RCC1L: variants seen among roughly 807,000 people sequenced by gnomAD.
RCC1L encodes the protein RCC1-like G exchanging factor-like protein.
RCC1L carries 46 observed loss-of-function variants against 58.6 expected under a neutral mutation model. The ratio of observed to expected loss-of-function variants is 0.79; its 90% CI spans 0.62 to 1.00. RCC1L has a LOEUF of 1.00. RCC1L is among the 50% of genes least tolerant of loss of function. The probability of loss-of-function intolerance (pLI) is 0.00; values close to 1 mark genes in which losing one functional copy is unlikely to be tolerated. For synonymous variants in RCC1L, 281 were observed against 262.9 expected (o/e 1.07, Z -0.67); for missense variants, 636 against 623.6 (o/e 1.02, Z -0.21).
chr7:75,064,295 A>G (rs1806379140), intron 4 of RCC1L, among the ~76,000 whole-genome samples: 1 of 150,198 alleles, frequency 6.7e-6, no homozygotes, highest in Non-Finnish European at 1.5e-5. Context: ...GCGCCTCTGC[A>G]CTCTGGCCTG....
Position 75,058,732 on chromosome 7 carries a change from C to G in RCC1L, c.825G>C (p.Lys275Asn). 1 of 1,613,982 alleles carries G rather than the reference C, an allele frequency of 6.2e-7. No individual in the cohort carries two copies. Among genetic ancestry groups the G allele is most frequent in the Non-Finnish European group, 8.5e-7 (1 of 1,179,856 alleles). ...GHYNITSSPT[K>N]LGGDLAGVNV... ...TCACTCCCGCCAGGTCTCCACCCAG[C>G]TTGGTGGGCGAGCTGGTGATATTGT... is the stretch of plus-strand genomic sequence containing the variant. The change falls in exon 7 of 11, where the codon AAG (lysine) becomes AAC (asparagine). Residue 275 changes from lysine to asparagine, a missense_variant. Transcript: ENST00000610322.
Position 75,042,880 on chromosome 7 carries a change from C to T in RCC1L, c.*152G>A. The T allele has an allele frequency of 1.4e-6, 2 of 1,478,186 alleles. No individual in the cohort carries two copies. Among genetic ancestry groups the T allele is most frequent in the Non-Finnish European group, 1.8e-6 (2 of 1,107,878 alleles). The allele number at this position is 1,478,186 out of a possible 1,614,324, so 91.6% of individuals were successfully genotyped here. A position where few individuals can be genotyped will look rare whatever the true frequency, so the allele number is the denominator to read the frequency against. The stretch of plus-strand genomic sequence containing the variant: ...CTTGCCCTGATCCTCCTGGTAGGTA[C>T]CCGCTAAGGGATTCAGGACAGAGCG... On this transcript the variant is annotated 3_prime_UTR_variant, in exon 11 of 11. Transcript: ENST00000610322.
rs1806336497 is a variant in RCC1L, at chr7:75,063,299, A to C, written c.695T>G (p.Val232Gly). ...VHRMQDFDGQ[V>G]VQVACGQDHS... ...TCGGCCCATCTCTCTTACCTGGACC[A>C]CCTGGCCATCGAAGTCCTGCATCCT... Residue 232 changes from valine to glycine, a missense_variant, in exon 5 of 11, where the codon GTG (valine) becomes GGG (glycine). Val to Gly is a moderately radical substitution (Grantham distance 109). Coordinates refer to ENST00000610322, the MANE Select transcript of RCC1L (RefSeq NM_030798.5). The C allele has an allele frequency of 6.2e-7, 1 of 1,613,808 alleles. No homozygotes were observed. The highest frequency in any genetic ancestry group is 8.5e-7 in the Non-Finnish European group (1 of 1,179,858).
At chr7:75,038,225 T>C (rs1805471012), downstream of RCC1L, among the ~76,000 whole-genome samples, 1 of 152,136 alleles carries the variant, frequency 6.6e-6, no homozygotes, top group East Asian at 1.9e-4. Context: ...CCTGGTGCCA[T>C]GGATTGCATA....
chr7:75,061,102 G>T (rs916653667), intron 6 of RCC1L, 105 bp downstream of exon 6: 7 of 940,790 alleles, frequency 7.4e-6, no homozygotes, highest in Non-Finnish European at 1.2e-5. Flanking sequence ...GGTAAGAGCT[G>T]AATTAAGGAA....
At chr7:75,029,424 A>G (rs1445419315) in intron 10 of RCC1L, among the ~76,000 whole-genome samples, 1 of 147,932 alleles carries the variant, frequency 6.8e-6, no homozygotes, top group Non-Finnish European at 1.5e-5. Context: ...GTTCGCTGCA[A>G]CCTCTGCTTC....
At chr7:75,031,375 C>G (rs910403540) in intron 10 of RCC1L, among the ~76,000 whole-genome samples, 2 of 152,208 alleles carry the variant, frequency 1.3e-5, no homozygotes, top group Admixed American at 1.3e-4. Flanking sequence ...CCCTACCCCC[C>G]CGGGGCCCTC....
At chr7:75,052,978 T>A (rs887079232) in intron 9 of RCC1L, among the ~76,000 whole-genome samples, 182 bp from the exon 10 acceptor site, 2 of 150,804 alleles carry the variant, frequency 1.3e-5, no homozygotes, top group Admixed American at 1.3e-4. Flanking sequence ...GCTGTCCCCA[T>A]ATCGAAAACA....
chr7:75,048,947 G>C (rs1563073459), intron 10 of RCC1L, among the ~76,000 whole-genome samples: 1 of 152,268 alleles, frequency 6.6e-6, no homozygotes, highest in East Asian at 1.9e-4. Context: ...ACCTCTCTGA[G>C]GGATGAGTCT....
intron 8 of RCC1L, chr7:75,056,369 T>C: frequency 1.2e-6 from 1 of 855,396 alleles, no homozygotes; most frequent in Non-Finnish European, 1.7e-6. Context: ...GACGAGCGTA[T>C]AAATCATCCA....
chr7:75,056,050 C>T lies in RCC1L; in HGVS notation c.1082G>A (p.Gly361Asp). ...TGGACCTTTCCCAAGAATTCCATAG[C>T]CCCAGACAAAAACATGTCCTTCTCC... is the stretch of plus-strand genomic sequence containing the variant. ...LNGEGHVFVW[G>D]YGILGKGPNL... Residue 361 changes from glycine (G) to aspartate (D), a missense_variant, in exon 9 of 11, where the codon GGC becomes GAC. Coordinates refer to ENST00000610322, the MANE Select transcript of RCC1L (RefSeq NM_030798.5). 1 of 1,613,922 alleles carries T rather than the reference C, an allele frequency of 6.2e-7. No homozygotes were observed.
chr7:75,041,029 C>A (rs1278044498), downstream of RCC1L, among the ~76,000 whole-genome samples: 2 of 152,072 alleles, frequency 1.3e-5, no homozygotes, highest in Non-Finnish European at 2.9e-5. Flanking sequence ...AACAGCCTGG[C>A]CAACACGGCA....
At chr7:75,048,274 A>AAAC (rs1805804478) in intron 10 of RCC1L, among the ~76,000 whole-genome samples, 1 of 151,060 alleles carries the variant, frequency 6.6e-6, no homozygotes, top group African/African-American at 2.4e-5. Context: ...CTCAAAAAAA[A>AAAC]AAAAAAAAAA....
intron 5 of RCC1L, among the ~76,000 whole-genome samples, chr7:75,062,813 T>C (rs1806318178): frequency 6.6e-6 from 1 of 152,126 alleles, no homozygotes; most frequent in South Asian, 2.1e-4. Flanking sequence ...CTGTTTTTTT[T>C]TGAGACAGAG....
intron 10 of RCC1L, among the ~76,000 whole-genome samples, chr7:75,045,801 G>A (rs1403413251): frequency 3.3e-5 from 5 of 152,088 alleles, no homozygotes; most frequent in Non-Finnish European, 5.9e-5. Flanking sequence ...GGCGTGAGCC[G>A]CTGCACCTGG....
At chr7:75,057,774 G>A (rs1806128362) in intron 7 of RCC1L, 158 bp from the exon 8 acceptor site, 1 of 744,534 alleles carries the variant, frequency 1.3e-6, no homozygotes, top group Non-Finnish European at 2.4e-6. Context: ...TAGGTGCTGG[G>A]GTAGAATGGG....
intron 10 of RCC1L, among the ~76,000 whole-genome samples, chr7:75,031,803 G>C (rs1447459152): frequency 6.6e-6 from 1 of 152,210 alleles, no homozygotes; most frequent in Non-Finnish European, 1.5e-5. Flanking sequence ...GTTTGGCTGA[G>C]TGATTCTGGC....
chr7:75,055,143 G>A (rs999640741), intron 9 of RCC1L, among the ~76,000 whole-genome samples: 1 of 152,226 alleles, frequency 6.6e-6, no homozygotes, highest in African/African-American at 2.4e-5. Context: ...GAGATGAAAA[G>A]ATTCTTTTAA....
chr7:75,037,864 T>C (rs1805461972), downstream of RCC1L, among the ~76,000 whole-genome samples: 1 of 152,148 alleles, frequency 6.6e-6, no homozygotes, highest in African/African-American at 2.4e-5. Flanking sequence ...TGGCCCCAAA[T>C]CCAAGAAAAG....
Sources: gnomAD v4.1 joint callset for allele counts (sites outside exome capture counted in the v4.1 genomes callset) on GRCh38, gnomAD v4.1.1 for gene constraint, MANE v1.5 for transcripts, NCBI Gene and HGNC (gene_info 2026-07-23, HGNC 2026-07-21) for gene names.